Variants in R3HDM1 observed in about 807,000 individuals in gnomAD.
R3HDM1 encodes R3H domain containing 1.
A neutral mutation model predicts 141.1 loss-of-function variants in R3HDM1; 46 were observed. The ratio of observed to expected loss-of-function variants is 0.33; its 90% CI spans 0.26 to 0.42. The LOEUF (loss-of-function observed/expected upper bound fraction) is 0.42. R3HDM1 is among the 10% of genes least tolerant of loss of function. R3HDM1 has a pLI of 1.00. For missense variants in R3HDM1, 1,184 were observed against 1,368.3 expected (o/e 0.87, Z 2.12); for synonymous variants, 435 against 472.9 (o/e 0.92, Z 1.04).
At chr2:135,615,066 T>C (rs1453018968) in intron 3 of R3HDM1, among the ~76,000 whole-genome samples, 2 of 152,134 alleles carry the variant, frequency 1.3e-5, no homozygotes, top group Admixed American at 6.5e-5. Context: ...TTTTCTTTTA[T>C]TTTTTCTATT....
intron 1 of R3HDM1, among the ~76,000 whole-genome samples, chr2:135,533,517 G>A (rs1695376538): frequency 1.3e-5 from 2 of 152,218 alleles, no homozygotes; most frequent in South Asian, 4.1e-4. Context: ...ATGAACCTCA[G>A]TTCGGTTTCC....
chr2:135,630,113 A>G (rs1423072857), intron 7 of R3HDM1, among the ~76,000 whole-genome samples: 2 of 151,440 alleles, frequency 1.3e-5, no homozygotes, highest in African/African-American at 4.9e-5. Flanking sequence ...CCCCGACTCT[A>G]CTAAAAATAG....
At chr2:135,632,239 C>T (rs2062781097) in intron 9 of R3HDM1, among the ~76,000 whole-genome samples, 1 of 151,218 alleles carries the variant, frequency 6.6e-6, no homozygotes, top group Non-Finnish European at 1.5e-5. Context: ...AATAAAAATC[C>T]AGAGGACATA....
intron 21 of R3HDM1, among the ~76,000 whole-genome samples, chr2:135,687,439 C>G (rs986726416): frequency 1.3e-5 from 2 of 152,058 alleles, no homozygotes; most frequent in African/African-American, 4.8e-5. Flanking sequence ...AAAAGAAAAA[C>G]AGTTATGGTG....
At chr2:135,655,546 A>G (rs13392062) in intron 18 of R3HDM1, among the ~76,000 whole-genome samples, 4,684 of 151,540 alleles carry the variant, frequency 0.031, 207 homozygotes, top group African/African-American at 0.098. Context: ...TTGCTCTGTC[A>G]CCCAGGCTGG....
At chr2:135,677,224 G>A (rs2105346454) in intron 20 of R3HDM1, among the ~76,000 whole-genome samples, 1 of 152,286 alleles carries the variant, frequency 6.6e-6, no homozygotes, top group African/African-American at 2.4e-5. Flanking sequence ...GTCCACTTTT[G>A]AGAACCCTTT....
intron 1 of R3HDM1, among the ~76,000 whole-genome samples, chr2:135,592,854 C>T (rs746803865): frequency 2.0e-5 from 3 of 152,116 alleles, no homozygotes; most frequent in Non-Finnish European, 2.9e-5. Context: ...CTCCTGAGCC[C>T]AAGGGATCCT....
chr2:135,620,437 CAGAG>C, intron 5 of R3HDM1: 2 of 919,668 alleles, frequency 2.2e-6, no homozygotes, highest in Non-Finnish European at 2.6e-6. Context: ...GTAAACAAGA[CAGAG>C]AGTGCAAAAA....
At chr2:135,567,529 G>A (rs542692815) in intron 1 of R3HDM1, among the ~76,000 whole-genome samples, 7 of 152,214 alleles carry the variant, frequency 4.6e-5, no homozygotes, top group Middle Eastern at 6.8e-3. Flanking sequence ...TCACCTGTTC[G>A]CCTCTAGAGC....
intron 1 of R3HDM1, among the ~76,000 whole-genome samples, chr2:135,592,010 A>C (rs1192645103): frequency 1.3e-5 from 2 of 152,170 alleles, no homozygotes; most frequent in Non-Finnish European, 1.5e-5. Context: ...TTGGGATCTC[A>C]TTACATTGGC....
chr2:135,541,754 C>A (rs1219874010), intron 1 of R3HDM1, among the ~76,000 whole-genome samples: 1 of 150,336 alleles, frequency 6.7e-6, no homozygotes, highest in East Asian at 2.0e-4. Flanking sequence ...GCAAGAATTA[C>A]CAAACTATTA....
At chr2:135,539,018 A>T (rs1290516881) in intron 1 of R3HDM1, among the ~76,000 whole-genome samples, 2 of 152,184 alleles carry the variant, frequency 1.3e-5, no homozygotes, top group African/African-American at 4.8e-5. Context: ...GCACAGGGTC[A>T]GTATCATCAG....
intron 19 of R3HDM1, among the ~76,000 whole-genome samples, chr2:135,674,476 G>A (rs2068841995): frequency 6.6e-6 from 1 of 152,138 alleles, no homozygotes; most frequent in African/African-American, 2.4e-5. Context: ...GTAGCATCTA[G>A]TAATTTACAT....
At chr2:135,564,738 T>C (rs891971291) in intron 1 of R3HDM1, among the ~76,000 whole-genome samples, 3 of 152,200 alleles carry the variant, frequency 2.0e-5, no homozygotes, top group Non-Finnish European at 4.4e-5. Context: ...TATAAATAAA[T>C]ATGTAATACA....
At chr2:135,659,603 A>G (rs901664142) in intron 18 of R3HDM1, among the ~76,000 whole-genome samples, 1 of 151,868 alleles carries the variant, frequency 6.6e-6, no homozygotes, top group Non-Finnish European at 1.5e-5. Flanking sequence ...ACACCTAGCT[A>G]ATTTTTTAAT....
chr2:135,554,810 C>T lies in R3HDM1; in HGVS notation c.-250+23177C>T, dbSNP rs528264376. On this transcript the variant is annotated intron_variant, in intron 1 of 26. Transcript: ENST00000683871. ...TGACCATTTTAAGGAACCAACCCTG[C>T]CAACACCTTGATTTTACCCTCAGAA... Among the ~76,000 whole-genome samples the T allele has an allele frequency of 7.2e-5, 11 of 152,206 alleles. No homozygotes were observed. In the East Asian group the frequency reaches 2.1e-3, roughly 29 times the overall value.
At chr2:135,576,447 G>A (rs1242247604) in intron 1 of R3HDM1, among the ~76,000 whole-genome samples, 1 of 152,068 alleles carries the variant, frequency 6.6e-6, no homozygotes, top group Admixed American at 6.6e-5. Flanking sequence ...ATATCTGAAT[G>A]TCCCAGATAA....
chr2:135,546,714 T>C (rs984823312), intron 1 of R3HDM1, among the ~76,000 whole-genome samples: 1 of 152,078 alleles, frequency 6.6e-6, no homozygotes, highest in African/African-American at 2.4e-5. Flanking sequence ...AAGAAATGGT[T>C]ACGCTGGAGT....
intron 21 of R3HDM1, among the ~76,000 whole-genome samples, chr2:135,690,033 G>A (rs1374426094): frequency 2.0e-5 from 3 of 151,898 alleles, no homozygotes; most frequent in African/African-American, 7.3e-5. Context: ...CTTTTTTTAA[G>A]AACCTTTAAA....
Sources: gnomAD v4.1 joint callset for allele counts (sites outside exome capture counted in the v4.1 genomes callset) on GRCh38, gnomAD v4.1.1 for gene constraint, MANE v1.5 for transcripts, NCBI Gene and HGNC (gene_info 2026-07-23, HGNC 2026-07-21) for gene names.